Variants in MAU2 observed in about 807,000 individuals in gnomAD.
MAU2 encodes the protein MAU2 chromatid cohesion factor homolog.
A neutral mutation model predicts 89.1 loss-of-function variants in MAU2; 9 were observed. The ratio of observed to expected loss-of-function variants is 0.10; its 90% CI spans 0.06 to 0.18. MAU2 has a LOEUF of 0.18. MAU2 is among the 10% of genes least tolerant of loss of function. The pLI is 1.00. For missense variants in MAU2, 425 were observed against 803.5 expected (o/e 0.53, Z 5.69); for synonymous variants, 357 against 343.4 (o/e 1.04, Z -0.44).
intron 18 of MAU2, 132 bp downstream of exon 18, chr19:19,355,523 G>A: frequency 1.4e-6 from 2 of 1,386,800 alleles, no homozygotes; most frequent in Non-Finnish European, 2.0e-6. Context: ...CCCTTGATGG[G>A]GGAGATGGCC....
Position 19,345,527 on chromosome 19 carries a change from A to G in MAU2, c.1221+158A>G, listed in dbSNP as rs540384553. Among the ~76,000 whole-genome samples the G allele has an allele frequency of 4.6e-5, 7 of 152,316 alleles. No homozygotes were observed. Among genetic ancestry groups the G allele is most frequent in the Middle Eastern group, 3.4e-3 (1 of 294 alleles). ...GTAGTCAGCCCATGCCAGCCTTGGC[A>G]GTGACGCGCTGTTTATCTGGATAAG... On this transcript the variant is annotated intron_variant, in intron 12 of 18. Transcript: ENST00000262815. This position sits in a 1 kb window ranked among gnomAD's most constrained non-coding sequence, Gnocchi z 4.9.
In MAU2 at chr19:19,321,104, G is replaced by C. The variant is rs2146641163; in HGVS notation, c.245G>C (p.Ser82Thr). ...GTTCTCTATCACCACACCAAGAACA[G>C]CGAGCAGGCGCGCAGCCACCTGGAG... ...GSVLYHHTKN[S>T]EQARSHLEKA... Residue 82 changes from serine to threonine, a missense_variant, in exon 1 of 19, where the codon AGC (serine) becomes ACC (threonine). Transcript: ENST00000262815. 6.2e-7 allele frequency: 1 copy of C among 1,601,654 alleles called. No individual in the cohort carries two copies. Among genetic ancestry groups the C allele is most frequent in the South Asian group, 1.1e-5 (1 of 88,960 alleles).
Position 19,349,203 on chromosome 19 carries a change from C to T in MAU2, c.1407C>T (p.Ser469=). The part of the protein sequence containing the change: ...AAAFYVRGLF[S]FFQGRYNEAK... ...CCTTCTATGTGCGTGGGCTCTTCTCCTTCTTCCAGGGACGCTACAACGAGG... is the reference window on the plus strand; with the variant it reads ...CCTTCTATGTGCGTGGGCTCTTCTCTTTCTTCCAGGGACGCTACAACGAGG... Residue 469 remains serine, a synonymous_variant, in exon 15 of 19, where the codon TCC becomes TCT. Coordinates refer to ENST00000262815, the MANE Select transcript of MAU2 (RefSeq NM_015329.4). 1 of 1,614,190 alleles carries T rather than the reference C, an allele frequency of 6.2e-7. No homozygotes were observed. The highest frequency in any genetic ancestry group is 1.1e-5 in the South Asian group (1 of 91,082).
At chr19:19,342,457 G>C (rs1166517384) in intron 7 of MAU2, 78 bp from the exon 8 acceptor site, 1 of 1,492,206 alleles carries the variant, frequency 6.7e-7, no homozygotes, top group African/African-American at 1.4e-5. Flanking sequence ...CTAGAGGAAG[G>C]AGCAGGGGTG....
intron 1 of MAU2, among the ~76,000 whole-genome samples, chr19:19,331,027 G>GA (rs1431231161): frequency 1.3e-5 from 2 of 152,096 alleles, no homozygotes; most frequent in Admixed American, 1.3e-4. Context: ...CACCCCACTT[G>GA]AAACCTGTTG....
intron 4 of MAU2, among the ~76,000 whole-genome samples, chr19:19,337,633 C>A (rs1262553252): frequency 6.6e-6 from 1 of 152,214 alleles, no homozygotes; most frequent in Non-Finnish European, 1.5e-5. Flanking sequence ...ATCCCAGGAA[C>A]ATTTCCTGCC....
chr19:19,358,524 T>G lies in MAU2; in HGVS notation c.*2742T>G, dbSNP rs1433113908. 1 of 152,194 alleles carries G rather than the reference T, an allele frequency of 6.6e-6. No individual in the cohort carries two copies. Among genetic ancestry groups the G allele is most frequent in the Non-Finnish European group, 1.5e-5 (1 of 68,044 alleles). The allele number at this position is 152,194 out of a possible 1,614,324, so 9.4% of individuals were successfully genotyped here. On this transcript the variant is annotated 3_prime_UTR_variant, in exon 19 of 19. Coordinates refer to ENST00000262815, the MANE Select transcript of MAU2 (RefSeq NM_015329.4). Reference sequence around the variant, plus strand: ...GTTGGTTGCGTTGTCAGTTGTCTCTTCGTTTTGTTAAGGTTTTTAATAAGT... The same window carrying G: ...GTTGGTTGCGTTGTCAGTTGTCTCTGCGTTTTGTTAAGGTTTTTAATAAGT...
intron 4 of MAU2, among the ~76,000 whole-genome samples, chr19:19,338,065 A>T (rs2061611862): frequency 6.6e-6 from 1 of 152,140 alleles, no homozygotes; most frequent in South Asian, 2.1e-4. Flanking sequence ...ACCTCCCATG[A>T]CACCTATGCA....
intron 18 of MAU2, 99 bp from the exon 19 acceptor site, chr19:19,355,609 C>A: frequency 7.9e-7 from 1 of 1,258,664 alleles, no homozygotes; most frequent in East Asian, 2.3e-5. Flanking sequence ...AGAACAGAGT[C>A]CCGGCTGTGT....
chr19:19,341,218 C>T (rs760326114), intron 6 of MAU2, 34 bp from the exon 7 acceptor site: 24 of 1,600,476 alleles, frequency 1.5e-5, no homozygotes, highest in East Asian at 6.7e-5. Context: ...CCCTGCAAGC[C>T]CTGTACCCTA....
intron 1 of MAU2, among the ~76,000 whole-genome samples, chr19:19,331,295 C>T (rs145561518): frequency 6.6e-6 from 1 of 151,614 alleles, no homozygotes; most frequent in Non-Finnish European, 1.5e-5. Context: ...GTCAGGAGAC[C>T]GAGACCGTCC....
intron 11 of MAU2, 36 bp downstream of exon 11, chr19:19,344,962 A>G (rs1219259412): frequency 2.5e-6 from 4 of 1,593,706 alleles, no homozygotes; most frequent in Non-Finnish European, 3.4e-6. Context: ...GGGAGAATCC[A>G]GAATGTTCTC....
chr19:19,352,059 G>A (rs911387764), intron 16 of MAU2, among the ~76,000 whole-genome samples: 1 of 151,922 alleles, frequency 6.6e-6, no homozygotes, highest in South Asian at 2.1e-4. Flanking sequence ...ATGTTGGCCA[G>A]GCTTGTCTCA....
chr19:19,322,939 G>A (rs2061473465), intron 1 of MAU2, among the ~76,000 whole-genome samples: 1 of 152,036 alleles, frequency 6.6e-6, no homozygotes. Flanking sequence ...TGCCGGGGCT[G>A]TAGCGCAATG....
At position 19,345,550 on chromosome 19, in the gene MAU2, A is replaced by G. The variant is rs2061686407; in HGVS notation, c.1221+181A>G. Among the ~76,000 whole-genome samples, 1 of 152,210 alleles carries G rather than the reference A, an allele frequency of 6.6e-6. No individual in the cohort carries two copies. Among genetic ancestry groups the G allele is most frequent in the South Asian group, 2.1e-4 (1 of 4,836 alleles). On this transcript the variant is annotated intron_variant, in intron 12 of 18. Transcript: ENST00000262815. This position sits in a 1 kb window ranked among gnomAD's most constrained non-coding sequence, Gnocchi z 4.9. ...GCAGTGACGCGCTGTTTATCTGGAT[A>G]AGGGACAGCTATGGGGCCAGGGGCT...
intron 13 of MAU2, chr19:19,348,494 C>T (rs1241373307): frequency 5.4e-6 from 2 of 373,786 alleles, no homozygotes; most frequent in Admixed American, 4.2e-5. Context: ...CAGATCACGC[C>T]CCCATCAGAG....
At chr19:19,348,574 C>T in intron 13 of MAU2, 1 of 528,364 alleles carries the variant, frequency 1.9e-6, no homozygotes, top group South Asian at 2.0e-5. Flanking sequence ...GGCTCACGGG[C>T]CCCAGCCTGC....
intron 12 of MAU2, among the ~76,000 whole-genome samples, chr19:19,346,196 G>A (rs1483405943): frequency 6.6e-6 from 1 of 152,130 alleles, no homozygotes; most frequent in Non-Finnish European, 1.5e-5. Context: ...GCATGCTTGG[G>A]AGGGAAGGGC....
chr19:19,336,313 G>T, intron 3 of MAU2, 126 bp downstream of exon 3: 3 of 672,620 alleles, frequency 4.5e-6, no homozygotes, highest in East Asian at 2.8e-5. Flanking sequence ...TTTTGGTCGG[G>T]GTGGGAGGAC....
Sources: allele counts gnomAD v4.1 joint callset (sites outside exome capture counted in the v4.1 genomes callset), GRCh38; gene constraint gnomAD v4.1.1; non-coding constraint Gnocchi (gnomAD v3.1); transcripts MANE v1.5; gene names NCBI Gene and HGNC (gene_info 2026-07-23, HGNC 2026-07-21).